The following GPC6 variants were observed in gnomAD, a reference collection of about 807,000 sequenced individuals.
GPC6 encodes the protein glypican-6.
GPC6 carries 14 observed loss-of-function variants against 55.2 expected under a neutral mutation model. The ratio of observed to expected loss-of-function variants is 0.25; its 90% CI spans 0.17 to 0.40. The LOEUF is 0.40. Ranked by LOEUF, GPC6 falls within the 10% of genes least tolerant of loss-of-function variation. GPC6 has a pLI of 1.00. For synonymous variants in GPC6, 278 were observed against 259.6 expected, an observed-to-expected ratio of 1.07 and a Z score of -0.68; for missense variants, 641 against 708.5, an observed-to-expected ratio of 0.90 and a Z score of 1.08.
chr13:93,906,184 A>G lies in GPC6; in HGVS notation c.711+75639A>G, dbSNP rs116029229. The stretch of plus-strand genomic sequence containing the variant: ...TCATTCTCTCTCTCTCTGTAGGTCA[A>G]CTTCATCCTTTTACCCTTGGTTTTG... On this transcript the variant is annotated intron_variant, in intron 3 of 8. Coordinates refer to ENST00000377047, the MANE Select transcript of GPC6 (RefSeq NM_005708.5). Among the ~76,000 whole-genome samples the G allele has an allele frequency of 4.6e-3, 707 of 152,188 alleles. 7 individuals are homozygous for G. Among genetic ancestry groups the G allele is most frequent in the African/African-American group, 0.016 (677 of 41,538 alleles).
At chr13:94,231,856 A>G (rs575556372) in intron 4 of GPC6, among the ~76,000 whole-genome samples, 82 of 152,290 alleles carry the variant, frequency 5.4e-4, no homozygotes, top group Admixed American at 1.3e-3. Context: ...GCTTGTGACT[A>G]TGTGAATAAC....
intron 2 of GPC6, among the ~76,000 whole-genome samples, chr13:93,704,791 C>T (rs550809809): frequency 1.3e-5 from 2 of 152,072 alleles, no homozygotes; most frequent in African/African-American, 4.8e-5. Flanking sequence ...AAATCTGTCT[C>T]TACCAGCTGT....
intron 4 of GPC6, among the ~76,000 whole-genome samples, chr13:94,193,919 T>C (rs1889480525): frequency 6.6e-6 from 1 of 152,208 alleles, no homozygotes; most frequent in Non-Finnish European, 1.5e-5. Flanking sequence ...CTGTAGTTTA[T>C]CTGCTATGTT....
At chr13:93,265,478 T>C (rs1316819429) in intron 1 of GPC6, among the ~76,000 whole-genome samples, 1 of 152,198 alleles carries the variant, frequency 6.6e-6, no homozygotes, top group African/African-American at 2.4e-5. Context: ...CACAAAATTA[T>C]TAAAAGTCGT....
intron 1 of GPC6, among the ~76,000 whole-genome samples, chr13:93,268,804 C>T (rs1353617173): frequency 6.6e-6 from 1 of 152,048 alleles, no homozygotes; most frequent in East Asian, 1.9e-4. Flanking sequence ...CCTTCCACTC[C>T]CAATCTGCTG....
At chr13:93,702,452 G>A (rs978118688) in intron 2 of GPC6, among the ~76,000 whole-genome samples, 2 of 151,942 alleles carry the variant, frequency 1.3e-5, no homozygotes, top group African/African-American at 4.8e-5. Flanking sequence ...TTTTCAGAAT[G>A]GTAAGTGAGC....
intron 4 of GPC6, among the ~76,000 whole-genome samples, chr13:94,239,005 A>T (rs1216735339): frequency 6.6e-6 from 1 of 152,196 alleles, no homozygotes; most frequent in African/African-American, 2.4e-5. Context: ...TTTGGCTAAA[A>T]TAAAGATTGT....
At chr13:93,619,197 A>G (rs1195766661) in intron 2 of GPC6, among the ~76,000 whole-genome samples, 2 of 152,100 alleles carry the variant, frequency 1.3e-5, no homozygotes, top group Non-Finnish European at 2.9e-5. Flanking sequence ...TTTTTGTTTC[A>G]GGATAACATA....
At chr13:94,315,098 T>C (rs1277579446) in intron 6 of GPC6, among the ~76,000 whole-genome samples, 1 of 152,252 alleles carries the variant, frequency 6.6e-6, no homozygotes, top group Non-Finnish European at 1.5e-5. Context: ...TATTTTCTTA[T>C]ACCCATAACA....
At chr13:93,566,556 TA>T (rs1566427284) in intron 2 of GPC6, among the ~76,000 whole-genome samples, 5 of 151,156 alleles carry the variant, frequency 3.3e-5, no homozygotes, top group Non-Finnish European at 7.4e-5. Context: ...TGTTTTTTTT[TA>T]TGACTTTTTT....
At chr13:94,195,154 A>G (rs1209942478) in intron 4 of GPC6, among the ~76,000 whole-genome samples, 3 of 152,200 alleles carry the variant, frequency 2.0e-5, no homozygotes, top group Non-Finnish European at 4.4e-5. Flanking sequence ...CCCCATGTCC[A>G]GTTACAAGCA....
chr13:93,285,988 A>G (rs1878111907), intron 1 of GPC6, among the ~76,000 whole-genome samples: 3 of 152,334 alleles, frequency 2.0e-5, no homozygotes, highest in African/African-American at 7.2e-5. Flanking sequence ...GAACACCGAC[A>G]GGAAGTGTTT....
rs369921492 is a variant in GPC6, at chr13:93,351,283, T to A, written c.160+123667T>A. Among the ~76,000 whole-genome samples the A allele has an allele frequency of 1.1e-4, 17 of 152,294 alleles. No homozygotes were observed. The East Asian group carries it at 1.2e-3, about 10-fold the overall frequency. Reference sequence around the variant, plus strand: ...GCTAATATTATTATATTCTCAATGATTAATATCTCAGGCATTTTGCTGTAA... The same window carrying A: ...GCTAATATTATTATATTCTCAATGAATAATATCTCAGGCATTTTGCTGTAA... On this transcript the variant is annotated intron_variant, in intron 1 of 8. Coordinates refer to ENST00000377047, the MANE Select transcript of GPC6 (RefSeq NM_005708.5).
At chr13:93,372,177 T>C (rs1163332128) in intron 1 of GPC6, among the ~76,000 whole-genome samples, 3 of 152,058 alleles carry the variant, frequency 2.0e-5, no homozygotes, top group Non-Finnish European at 4.4e-5. Flanking sequence ...ATAGTAGATA[T>C]GTGACTTAGA....
chr13:93,629,486 A>G (rs112981066), intron 2 of GPC6, among the ~76,000 whole-genome samples: 75 of 152,272 alleles, frequency 4.9e-4, no homozygotes, highest in African/African-American at 1.5e-3. Context: ...AGTGAGATCT[A>G]TTTTTTAAAA....
At chr13:94,096,275 C>G (rs1237199767) in intron 4 of GPC6, among the ~76,000 whole-genome samples, 2 of 150,224 alleles carry the variant, frequency 1.3e-5, no homozygotes, top group African/African-American at 4.9e-5. Context: ...GACTACATTA[C>G]TGAACCTGCC....
At chr13:93,401,952 A>G (rs900966786) in intron 1 of GPC6, among the ~76,000 whole-genome samples, 11 of 152,212 alleles carry the variant, frequency 7.2e-5, no homozygotes, top group Middle Eastern at 3.4e-3. Context: ...CTGATGTTTT[A>G]CATATTTGTC....
intron 3 of GPC6, among the ~76,000 whole-genome samples, chr13:93,848,503 TC>T (rs1305561201): frequency 6.6e-6 from 1 of 152,110 alleles, no homozygotes; most frequent in African/African-American, 2.4e-5. Flanking sequence ...CTTTTGGGCA[TC>T]CTACGAATAT....
At chr13:94,085,308 C>A (rs565606925) in intron 4 of GPC6, among the ~76,000 whole-genome samples, 25 of 103,726 alleles carry the variant, frequency 2.4e-4, no homozygotes, top group Admixed American at 1.8e-3. Flanking sequence ...GGTGACAGAG[C>A]GAGATTCTGT....
Sources: allele counts gnomAD v4.1 joint callset (sites outside exome capture counted in the v4.1 genomes callset), GRCh38; gene constraint gnomAD v4.1.1; transcripts MANE v1.5; gene names NCBI Gene and HGNC (gene_info 2026-07-23, HGNC 2026-07-21).